Variants in L2HGDH observed in about 807,000 individuals in gnomAD.
The protein encoded by L2HGDH is L-2-hydroxyglutarate dehydrogenase, mitochondrial.
A neutral mutation model predicts 51.5 loss-of-function variants in L2HGDH; 34 were observed. The ratio of observed to expected loss-of-function variants is 0.66; its 90% confidence interval spans 0.50 to 0.88. The LOEUF (loss-of-function observed/expected upper bound fraction) is 0.88, where lower values mean the gene tolerates loss of function less well. L2HGDH is among the 40% of genes least tolerant of loss of function. L2HGDH has a pLI of 0.00. For missense variants in L2HGDH, 558 were observed against 571.9 expected (o/e 0.98, Z 0.25); for synonymous variants, 198 against 197.9 (o/e 1.00, Z -0.01).
chr14:50,242,891 A>G lies in L2HGDH; in HGVS notation c.*4167T>C. 1.0e-6 allele frequency: 1 copy of G among 985,446 alleles called. No homozygotes were observed. Among genetic ancestry groups the G allele is most frequent in the Non-Finnish European group, 1.2e-6 (1 of 829,940 alleles). 61.0% of individuals were successfully genotyped at this position (985,446 alleles called of 1,614,324 possible). A position where few individuals can be genotyped will look rare whatever the true frequency, so the allele number is the denominator to read the frequency against. On this transcript the variant is annotated 3_prime_UTR_variant, in exon 10 of 10. Coordinates refer to ENST00000267436, the MANE Select transcript of L2HGDH (RefSeq NM_024884.3). ...CCAGGAGGGCAGAGCCAGTCCTTAAACAATATAGACACCATGTCTCCTGTG... is the reference window on the plus strand; with the variant it reads ...CCAGGAGGGCAGAGCCAGTCCTTAAGCAATATAGACACCATGTCTCCTGTG...
chr14:50,310,936 C>CT lies in L2HGDH; in HGVS notation c.140+1074dup, dbSNP rs34399906. 5.4e-3 allele frequency among the ~76,000 whole-genome samples: 446 copies of CT among 82,236 alleles called. 6 individuals are homozygous for CT. The highest frequency in any genetic ancestry group is 0.022 in the East Asian group (53 of 2,406). 54.0% of individuals were successfully genotyped at this position (82,236 alleles called of 152,430 possible). ...GCCTCTTCTTTTTTTCTTTTCTTTT[C>CT]TTTTTTTTTTTTTTTTTTTTTTTGC... On this transcript the variant is annotated intron_variant, in intron 1 of 9. Coordinates refer to ENST00000267436, the MANE Select transcript of L2HGDH (RefSeq NM_024884.3).
intron 9 of L2HGDH, among the ~76,000 whole-genome samples, chr14:50,252,232 G>A (rs1888402823): frequency 6.6e-6 from 1 of 151,992 alleles, no homozygotes; most frequent in African/African-American, 2.4e-5. Flanking sequence ...GATAGTATTT[G>A]CAAGCCTCAT....
chr14:50,272,869 T>C (rs887709864), intron 6 of L2HGDH, among the ~76,000 whole-genome samples: 9 of 152,168 alleles, frequency 5.9e-5, no homozygotes, highest in African/African-American at 1.7e-4. Flanking sequence ...CTATGACCAG[T>C]TGACCAAAGA....
intron 3 of L2HGDH, 49 bp from the exon 4 acceptor site, chr14:50,294,295 C>A: frequency 6.3e-7 from 1 of 1,580,884 alleles, no homozygotes; most frequent in South Asian, 1.1e-5. Context: ...AATGTATCAT[C>A]AGCGATGAAA....
intron 3 of L2HGDH, 105 bp from the exon 4 acceptor site, chr14:50,294,351 G>C (rs1040284174): frequency 9.0e-7 from 1 of 1,105,096 alleles, no homozygotes; most frequent in Admixed American, 2.6e-5. Context: ...ACCCAAAGGA[G>C]GTTAATTTTT....
intron 9 of L2HGDH, among the ~76,000 whole-genome samples, chr14:50,259,939 G>T (rs1047456057): frequency 6.6e-6 from 1 of 151,468 alleles, no homozygotes; most frequent in Non-Finnish European, 1.5e-5. Context: ...TTGAATTAGA[G>T]GGGGTGGGGA....
Position 50,243,459 on chromosome 14 carries a change from A to G in L2HGDH, c.*3599T>C, listed in dbSNP as rs1887874901. 3.6e-6 allele frequency: 3 copies of G among 832,130 alleles called. No homozygotes were observed. Among genetic ancestry groups the G allele is most frequent in the Non-Finnish European group, 4.3e-6 (3 of 690,602 alleles). 51.5% of individuals were successfully genotyped at this position (832,130 alleles called of 1,614,324 possible). On this transcript the variant is annotated 3_prime_UTR_variant, in exon 10 of 10. Coordinates refer to ENST00000267436, the MANE Select transcript of L2HGDH (RefSeq NM_024884.3). ...ATAAAAGTTTTTATGGAACTAAAAA[A>G]TATGTTCTCTACAACACCAAGGCTC...
At chr14:50,293,953 CAG>C (rs1354351694) in intron 4 of L2HGDH, among the ~76,000 whole-genome samples, 160 bp downstream of exon 4, 1 of 152,118 alleles carries the variant, frequency 6.6e-6, no homozygotes, top group Non-Finnish European at 1.5e-5. Flanking sequence ...ATCAGGTGTC[CAG>C]AGTTTGTGAC....
intron 4 of L2HGDH, among the ~76,000 whole-genome samples, chr14:50,289,741 T>C (rs770302298): frequency 2.0e-5 from 3 of 152,216 alleles, no homozygotes; most frequent in Admixed American, 6.5e-5. Flanking sequence ...TTATACATAG[T>C]ATTTCATTTA....
chr14:50,291,047 A>C (rs1595127257), intron 4 of L2HGDH, among the ~76,000 whole-genome samples: 1 of 151,614 alleles, frequency 6.6e-6, no homozygotes, highest in East Asian at 2.0e-4. Context: ...AAAATACAAA[A>C]ATTAGCCAGG....
At chr14:50,258,276 C>T (rs964132404) in intron 9 of L2HGDH, among the ~76,000 whole-genome samples, 4 of 151,822 alleles carry the variant, frequency 2.6e-5, no homozygotes, top group Non-Finnish European at 4.4e-5. Context: ...AGTGCAGTGG[C>T]ACAATCACAA....
At position 50,243,114 on chromosome 14, in the gene L2HGDH, C is replaced by T. The variant is rs1451260365; in HGVS notation, c.*3944G>A. Reference sequence around the variant, plus strand: ...TGGCCTCAGGGAAAGTGGAATTCTGCCAACAGTAAAGGCAACTCCCCAAAC... The same window carrying T: ...TGGCCTCAGGGAAAGTGGAATTCTGTCAACAGTAAAGGCAACTCCCCAAAC... On this transcript the variant is annotated 3_prime_UTR_variant, in exon 10 of 10. Coordinates refer to ENST00000267436, the MANE Select transcript of L2HGDH (RefSeq NM_024884.3). The T allele has an allele frequency of 4.1e-6, 4 of 985,374 alleles. No homozygotes were observed. In the East Asian group the frequency reaches 4.5e-4, roughly 112 times the overall value. The allele number at this position is 985,374 out of a possible 1,614,324, so 61.0% of individuals were successfully genotyped here.
chr14:50,288,957 A>G (rs917831335), intron 4 of L2HGDH, among the ~76,000 whole-genome samples: 5 of 152,190 alleles, frequency 3.3e-5, no homozygotes, highest in African/African-American at 1.2e-4. Flanking sequence ...AACACACTCA[A>G]TAGTTTTGTA....
At chr14:50,250,818 A>G (rs1209081250) in intron 9 of L2HGDH, among the ~76,000 whole-genome samples, 1 of 152,236 alleles carries the variant, frequency 6.6e-6, no homozygotes, top group Non-Finnish European at 1.5e-5. Flanking sequence ...TGGTACCTCT[A>G]CAAGTCTACA....
intron 6 of L2HGDH, among the ~76,000 whole-genome samples, chr14:50,276,486 T>C (rs1439423715): frequency 6.8e-6 from 1 of 147,866 alleles, no homozygotes; most frequent in Non-Finnish European, 1.5e-5. Flanking sequence ...AATTCATATG[T>C]TGAAGTCCCA....
chr14:50,292,759 C>T (rs1595130741), intron 4 of L2HGDH, among the ~76,000 whole-genome samples: 1 of 151,620 alleles, frequency 6.6e-6, no homozygotes, highest in Admixed American at 6.6e-5. Context: ...GTGGCGGGTG[C>T]CTGTAATCCC....
In L2HGDH at chr14:50,258,545, G is replaced by T. The variant is rs561361211; in HGVS notation, c.1196+6813C>A. ...GTCTTATTTTTTGAGACAGGGTCTT[G>T]CTCTGTCACCCAGGCTGGAGTGCAC... is the stretch of plus-strand genomic sequence containing the variant. On this transcript the variant is annotated intron_variant, in intron 9 of 9. Transcript: ENST00000267436. Among the ~76,000 whole-genome samples the T allele has an allele frequency of 6.9e-5, 10 of 144,568 alleles. No individual in the cohort carries two copies. In the South Asian group the frequency reaches 2.0e-3, roughly 29 times the overall value. 94.8% of individuals were successfully genotyped at this position (144,568 alleles called of 152,430 possible).
chr14:50,287,980 G>A (rs780758999), intron 4 of L2HGDH, among the ~76,000 whole-genome samples: 13 of 152,066 alleles, frequency 8.5e-5, no homozygotes, highest in Non-Finnish European at 1.6e-4. Context: ...TTATAGGCAT[G>A]AGCCACCATG....
chr14:50,287,283 T>TA, intron 4 of L2HGDH: 1 of 984,210 alleles, frequency 1.0e-6, no homozygotes, highest in South Asian at 4.7e-5. Context: ...ATGCATAATA[T>TA]AAAAAATCAT....
Sources: gnomAD v4.1 joint callset for allele counts (sites outside exome capture counted in the v4.1 genomes callset) on GRCh38, gnomAD v4.1.1 for gene constraint, MANE v1.5 for transcripts, NCBI Gene and HGNC (gene_info 2026-07-23, HGNC 2026-07-21) for gene names.